The following MROH9 variants were observed in gnomAD, a reference collection of about 807,000 sequenced individuals.
MROH9 encodes the protein maestro heat-like repeat-containing protein family member 9.
In MROH9, 92 loss-of-function variants were observed where a neutral mutation model predicts 98.2. The observed-to-expected ratio is 0.94, with a 90% CI of 0.79 to 1.11. The LOEUF (loss-of-function observed/expected upper bound fraction) is 1.11, where lower values mean the gene tolerates loss of function less well. MROH9 is among the 50% of genes most tolerant of loss of function. MROH9 has a pLI of 0.00. For missense variants in MROH9, 1,057 were observed against 1,014.8 expected, an observed-to-expected ratio of 1.04 and a Z score of -0.57; for synonymous variants, 397 against 368.9, an observed-to-expected ratio of 1.08 and a Z score of -0.87.
chr1:171,028,208 G>T (rs1031484786), intron 20 of MROH9, among the ~76,000 whole-genome samples: 16 of 152,166 alleles, frequency 1.1e-4, no homozygotes, highest in Non-Finnish European at 1.0e-4. Context: ...TTTGTATAAG[G>T]TGTAAGGAAA....
chr1:171,062,214 C>A lies in MROH9; in HGVS notation c.2344+20C>A, dbSNP rs915651394. On this transcript the variant is annotated intron_variant, in intron 21 of 21. Transcript: ENST00000367759. The stretch of plus-strand genomic sequence containing the variant: ...TTGATGGTGAGTATTGAGGTTATAA[C>A]AAAATCTTTATGCATAAATCTAAAT... The A allele has an allele frequency of 2.7e-6, 4 of 1,506,498 alleles. No individual in the cohort carries two copies. Among genetic ancestry groups the A allele is most frequent in the Admixed American group, 2.0e-5 (1 of 49,710 alleles). The allele number at this position is 1,506,498 out of a possible 1,614,324, so 93.3% of individuals were successfully genotyped here. A position where few individuals can be genotyped will look rare whatever the true frequency, so the allele number is the denominator to read the frequency against.
intron 21 of MROH9, among the ~76,000 whole-genome samples, 167 bp downstream of exon 21, chr1:171,062,361 A>G (rs547109904): frequency 2.2e-4 from 33 of 152,260 alleles, no homozygotes; most frequent in Non-Finnish European, 1.6e-4. Flanking sequence ...GGACTGGGTT[A>G]AGAGGTTTGT....
intron 20 of MROH9, among the ~76,000 whole-genome samples, chr1:171,036,294 T>C (rs1653096202): frequency 6.6e-6 from 1 of 152,112 alleles, no homozygotes; most frequent in East Asian, 1.9e-4. Flanking sequence ...ATGTGGTCAC[T>C]GTGTGAACAT....
At chr1:170,974,900 G>T (rs765856168) in intron 8 of MROH9, among the ~76,000 whole-genome samples, 1 of 151,902 alleles carries the variant, frequency 6.6e-6, no homozygotes, top group Non-Finnish European at 1.5e-5. Context: ...CTTCTCCTAT[G>T]CACAAAGTTA....
chr1:170,951,767 AT>A (rs1557870672), intron 3 of MROH9, among the ~76,000 whole-genome samples: 1 of 152,112 alleles, frequency 6.6e-6, no homozygotes, highest in Admixed American at 6.6e-5. Context: ...GCTAAGTCCT[AT>A]AAAGACAGGG....
At chr1:171,056,260 G>A (rs1054182446) in intron 20 of MROH9, among the ~76,000 whole-genome samples, 10 of 152,290 alleles carry the variant, frequency 6.6e-5, no homozygotes, top group African/African-American at 2.4e-4. Context: ...GGGGAAGTGT[G>A]GCATCCATCT....
chr1:171,020,827 T>G (rs534341904), intron 17 of MROH9, among the ~76,000 whole-genome samples: 12 of 152,102 alleles, frequency 7.9e-5, no homozygotes, highest in Non-Finnish European at 1.6e-4. Flanking sequence ...TCAAATTGTC[T>G]CTGTTTGTGG....
intron 20 of MROH9, among the ~76,000 whole-genome samples, chr1:171,034,664 G>A (rs1174047601): frequency 1.3e-5 from 2 of 152,036 alleles, no homozygotes; most frequent in African/African-American, 2.4e-5. Flanking sequence ...CTCAGTCCAA[G>A]TGTCATAAAT....
At position 170,958,547 on chromosome 1, in the gene MROH9, T is replaced by G. The variant is rs200895182; in HGVS notation, c.152+7T>G. ...TCCTGGCTGTGAACTCCAGGTATGA[T>G]AAGCTATCATGCTCTTTTATTTCAC... On this transcript the variant is annotated splice_region_variant and intron_variant, in intron 4 of 21. Transcript: ENST00000367759. 2.4e-5 allele frequency: 38 copies of G among 1,563,948 alleles called. No individual in the cohort carries two copies. The African/African-American group carries it at 5.0e-4, about 21-fold the overall frequency.
chr1:171,037,992 A>G (rs1194779087), intron 20 of MROH9, among the ~76,000 whole-genome samples: 1 of 151,988 alleles, frequency 6.6e-6, no homozygotes, highest in Non-Finnish European at 1.5e-5. Context: ...ATAAAATCAA[A>G]TTAAATAATT....
At chr1:170,965,440 T>C (rs1046987701) in intron 7 of MROH9, among the ~76,000 whole-genome samples, 185 bp downstream of exon 7, 3 of 152,062 alleles carry the variant, frequency 2.0e-5, no homozygotes, top group Non-Finnish European at 4.4e-5. Flanking sequence ...GAACAGAGTT[T>C]CTCAAACAAT....
At chr1:170,944,351 GA>G (rs751002314) in intron 1 of MROH9, among the ~76,000 whole-genome samples, 5 of 151,506 alleles carry the variant, frequency 3.3e-5, no homozygotes, top group Non-Finnish European at 5.9e-5. Flanking sequence ...AAAGTAAGGA[GA>G]AAAACATCAA....
chr1:170,999,524 A>C (rs927639328), intron 15 of MROH9, among the ~76,000 whole-genome samples: 3 of 139,160 alleles, frequency 2.2e-5, no homozygotes, highest in Non-Finnish European at 4.6e-5. Context: ...GTAGTATTCC[A>C]TCTATATATA....
chr1:171,050,402 T>C (rs938828182), intron 20 of MROH9, among the ~76,000 whole-genome samples: 3 of 152,214 alleles, frequency 2.0e-5, no homozygotes, highest in African/African-American at 7.2e-5. Flanking sequence ...ACCTCCTTGG[T>C]TAAATGTATT....
At chr1:171,033,680 G>T (rs982623461) in intron 20 of MROH9, among the ~76,000 whole-genome samples, 6 of 151,946 alleles carry the variant, frequency 3.9e-5, no homozygotes, top group African/African-American at 1.2e-4. Context: ...GTTTTGTTTT[G>T]TTTTTTTCCT....
At chr1:171,052,608 G>A (rs1317742856) in intron 20 of MROH9, among the ~76,000 whole-genome samples, 2 of 152,198 alleles carry the variant, frequency 1.3e-5, no homozygotes, top group East Asian at 1.9e-4. Flanking sequence ...ATCCAGGCAA[G>A]CGAGTGCATA....
chr1:171,048,808 T>A (rs1221514818), intron 20 of MROH9, among the ~76,000 whole-genome samples: 4 of 152,198 alleles, frequency 2.6e-5, no homozygotes, highest in Admixed American at 6.5e-5. Flanking sequence ...CACAATGTAG[T>A]ACCTGGGTAT....
At chr1:171,043,181 G>T (rs186605828) in intron 20 of MROH9, among the ~76,000 whole-genome samples, 1 of 152,200 alleles carries the variant, frequency 6.6e-6, no homozygotes, top group African/African-American at 2.4e-5. Flanking sequence ...AGAGATGGGG[G>T]TCTAGATTCA....
chr1:170,986,836 T>C, intron 10 of MROH9, 126 bp downstream of exon 10: 1 of 1,099,070 alleles, frequency 9.1e-7, no homozygotes, highest in Non-Finnish European at 1.3e-6. Context: ...GACTTCAATA[T>C]AATGAGGCTT....
Sources: allele counts gnomAD v4.1 joint callset (sites outside exome capture counted in the v4.1 genomes callset), GRCh38; gene constraint gnomAD v4.1.1; transcripts MANE v1.5; gene names NCBI Gene and HGNC (gene_info 2026-07-23, HGNC 2026-07-21).